Variants in GALNT14 observed in about 807,000 individuals in gnomAD.
GALNT14 encodes the protein polypeptide N-acetylgalactosaminyltransferase 14.
A neutral mutation model predicts 77.5 loss-of-function variants in GALNT14; 60 were observed. The ratio of observed to expected loss-of-function variants is 0.77; its 90% CI spans 0.63 to 0.96. GALNT14 has a LOEUF of 0.96. GALNT14 is among the 40% of genes least tolerant of loss of function. The pLI is 0.00. For synonymous variants in GALNT14, 280 were observed against 281.7 expected (o/e 0.99, Z 0.06); for missense variants, 710 against 731.0 (o/e 0.97, Z 0.33).
chr2:30,973,737 T>C (rs1295664374), intron 2 of GALNT14, among the ~76,000 whole-genome samples: 1 of 152,230 alleles, frequency 6.6e-6, no homozygotes. Context: ...TCAATTTTGC[T>C]GGGATTTCAC....
chr2:30,958,538 T>C, intron 3 of GALNT14, 74 bp from the exon 4 acceptor site: 4 of 1,126,452 alleles, frequency 3.6e-6, no homozygotes, highest in Non-Finnish European at 5.4e-6. Flanking sequence ...GAGTTTTAAA[T>C]AGATACCATT....
At chr2:30,994,597 A>T (rs1390409503) in intron 1 of GALNT14, among the ~76,000 whole-genome samples, 1 of 152,190 alleles carries the variant, frequency 6.6e-6, no homozygotes, top group Non-Finnish European at 1.5e-5. Flanking sequence ...AGAACATTCT[A>T]GAGGAAATCG....
chr2:31,098,844 G>T (rs2148610107), intron 1 of GALNT14, among the ~76,000 whole-genome samples: 1 of 152,156 alleles, frequency 6.6e-6, no homozygotes, highest in Middle Eastern at 3.4e-3. Flanking sequence ...AAGAGAAAAT[G>T]CTACTAAGAA....
At chr2:31,099,384 T>C (rs960005684) in intron 1 of GALNT14, among the ~76,000 whole-genome samples, 1 of 152,114 alleles carries the variant, frequency 6.6e-6, no homozygotes, top group Non-Finnish European at 1.5e-5. Flanking sequence ...TTTACTTATG[T>C]AGATTCTTTT....
At chr2:31,002,617 A>T (rs941669696) in intron 1 of GALNT14, among the ~76,000 whole-genome samples, 4 of 152,136 alleles carry the variant, frequency 2.6e-5, no homozygotes, top group Non-Finnish European at 4.4e-5. Flanking sequence ...CCAGTTAGGG[A>T]GTGACTATAT....
intron 1 of GALNT14, among the ~76,000 whole-genome samples, chr2:31,035,581 G>A (rs560999930): frequency 1.4e-5 from 2 of 141,354 alleles, no homozygotes; most frequent in East Asian, 2.2e-4. Flanking sequence ...GTGTGTGTGT[G>A]TGTGTATACA....
chr2:31,009,745 C>G (rs1055408323), intron 1 of GALNT14, among the ~76,000 whole-genome samples: 2 of 152,224 alleles, frequency 1.3e-5, no homozygotes, highest in Non-Finnish European at 2.9e-5. Flanking sequence ...CATAGCTGCA[C>G]AAGTCAGGAA....
rs141858554 is a variant in GALNT14 at position 31,087,256 on chromosome 2, T to C, written c.129+50702A>G. 6.2e-3 allele frequency among the ~76,000 whole-genome samples: 945 copies of C among 152,204 alleles called. 10 individuals carry two copies. The highest frequency in any genetic ancestry group is 0.022 in the African/African-American group (908 of 41,518). On this transcript the variant is annotated intron_variant, in intron 1 of 14. Coordinates refer to ENST00000349752, the MANE Select transcript of GALNT14 (RefSeq NM_024572.4). ...GGATGAAGACATAGGGGGCAAATTA[T>C]AGAGGGGAAAAACAGCAATTCTGTC... is the stretch of plus-strand genomic sequence containing the variant.
intron 1 of GALNT14, among the ~76,000 whole-genome samples, chr2:31,089,818 C>T (rs1396430482): frequency 6.6e-6 from 1 of 152,144 alleles, no homozygotes; most frequent in African/African-American, 2.4e-5. Context: ...AGTTCCAAAG[C>T]TACCATGCAG....
At chr2:31,060,209 T>C (rs1674501970) in intron 1 of GALNT14, among the ~76,000 whole-genome samples, 1 of 152,036 alleles carries the variant, frequency 6.6e-6, no homozygotes, top group Non-Finnish European at 1.5e-5. Context: ...TCCCAGGTCA[T>C]GGTTTTCTCT....
chr2:30,931,129 C>T (rs912335622), intron 10 of GALNT14, among the ~76,000 whole-genome samples: 17 of 152,234 alleles, frequency 1.1e-4, no homozygotes, highest in African/African-American at 3.6e-4. Context: ...ATTTTCTTAT[C>T]ACCCTACCCT....
chr2:31,111,845 A>C (rs968519917), intron 1 of GALNT14, among the ~76,000 whole-genome samples: 1 of 151,636 alleles, frequency 6.6e-6, no homozygotes, highest in Non-Finnish European at 1.5e-5. Flanking sequence ...CTTTTACTAC[A>C]TCTTGTTTGC....
At chr2:31,044,104 C>T (rs1177385287) in intron 1 of GALNT14, among the ~76,000 whole-genome samples, 1 of 152,190 alleles carries the variant, frequency 6.6e-6, no homozygotes, top group Non-Finnish European at 1.5e-5. Flanking sequence ...CAAAGATCAA[C>T]TTTTTCATGT....
chr2:31,107,978 A>G (rs1325682587), intron 1 of GALNT14, among the ~76,000 whole-genome samples: 1 of 152,094 alleles, frequency 6.6e-6, no homozygotes, highest in African/African-American at 2.4e-5. Flanking sequence ...CTCCCCAGCA[A>G]CCCACACACT....
At chr2:31,124,103 T>C (rs1678565676) in intron 1 of GALNT14, among the ~76,000 whole-genome samples, 1 of 152,212 alleles carries the variant, frequency 6.6e-6, no homozygotes, top group Admixed American at 6.5e-5. Flanking sequence ...GTTTGCCGGA[T>C]GTTCGGACAA....
At chr2:31,051,161 T>C (rs1673839288) in intron 1 of GALNT14, among the ~76,000 whole-genome samples, 1 of 152,142 alleles carries the variant, frequency 6.6e-6, no homozygotes, top group African/African-American at 2.4e-5. Flanking sequence ...CCTCTCCTCA[T>C]GCAGGCAACA....
At chr2:30,954,476 G>A (rs1371369735) in intron 6 of GALNT14, among the ~76,000 whole-genome samples, 4 of 152,076 alleles carry the variant, frequency 2.6e-5, no homozygotes, top group Non-Finnish European at 5.9e-5. Context: ...TTCTAGAGAG[G>A]AGATTTTTCT....
rs141098132 is a variant in GALNT14 at position 30,942,242 on chromosome 2, T to A, written c.890A>T (p.Lys297Ile). 6 of 1,614,016 alleles carry A rather than the reference T, an allele frequency of 3.7e-6. No individual in the cohort carries two copies. The highest frequency in any genetic ancestry group is 5.1e-6 in the Non-Finnish European group (6 of 1,180,010). ...IDKAWFDYLG[K>I]YDMDMDIWGG... ...CCAGATGTCCATGTCCATATCATAT[T>A]TCCCCAGGTAATCAAACCAAGCTTT... Residue 297 changes from lysine to isoleucine, a missense_variant, in exon 9 of 15, where the codon AAA (lysine) becomes ATA (isoleucine). By Grantham distance (102) the Lys-to-Ile change is moderately radical. Coordinates refer to ENST00000349752, the MANE Select transcript of GALNT14 (RefSeq NM_024572.4).
intron 2 of GALNT14, among the ~76,000 whole-genome samples, chr2:30,968,081 T>C (rs555765886): frequency 6.6e-6 from 1 of 152,360 alleles, no homozygotes; most frequent in African/African-American, 2.4e-5. Flanking sequence ...ATTCTGTACA[T>C]AACTCTTTTC....
Sources: allele counts gnomAD v4.1 joint callset (sites outside exome capture counted in the v4.1 genomes callset), GRCh38; gene constraint gnomAD v4.1.1; transcripts MANE v1.5; gene names NCBI Gene and HGNC (gene_info 2026-07-23, HGNC 2026-07-21).